Variants in FES observed in about 807,000 individuals in gnomAD.
FES encodes tyrosine-protein kinase Fes/Fps.
Under a neutral mutation model 109.6 loss-of-function variants are expected in FES, and 83 were observed. The observed-to-expected ratio is 0.76, with a 90% CI of 0.63 to 0.91. The LOEUF is 0.91. FES is among the 40% of genes least tolerant of loss of function. FES has a pLI of 0.00. For missense variants in FES, 943 were observed against 1,070.9 expected (o/e 0.88, Z 1.67); for synonymous variants, 458 against 442.1 (o/e 1.04, Z -0.45).
chr15:90,894,747 C>G (rs990351229), intron 18 of FES, among the ~76,000 whole-genome samples: 1 of 150,944 alleles, frequency 6.6e-6, no homozygotes, highest in African/African-American at 2.4e-5. Context: ...ACCTGGGTGA[C>G]AGAGAGAGAG....
At chr15:90,887,101 T>C in intron 4 of FES, 44 bp downstream of exon 4, 1 of 1,613,616 alleles carries the variant, frequency 6.2e-7, no homozygotes, top group East Asian at 2.2e-5. Flanking sequence ...CCGAAGCCAG[T>C]GCTGACCTGT....
intron 1 of FES, chr15:90,884,796 G>A (rs1395406941): frequency 1.3e-5 from 6 of 476,534 alleles, no homozygotes; most frequent in Non-Finnish European, 1.1e-5. Context: ...GGGGAGGGAG[G>A]CTCCAGGTTG....
intron 18 of FES, among the ~76,000 whole-genome samples, chr15:90,894,967 T>C (rs1262388947): frequency 6.6e-6 from 1 of 152,094 alleles, no homozygotes; most frequent in Non-Finnish European, 1.5e-5. Flanking sequence ...CTTGGGAGGC[T>C]GAGGCACAAG....
chr15:90,891,125 G>A lies in FES; in HGVS notation c.1464G>A (p.Lys488=), dbSNP rs1436693746. ...GDFLVRESQG[K]QEYVLSVLWD... ...TCCTGGTGCGGGAGAGCCAGGGCAAGCAGGAGTACGTGCTGTCGGTGCTGT... is the reference window on the plus strand; with the variant it reads ...TCCTGGTGCGGGAGAGCCAGGGCAAACAGGAGTACGTGCTGTCGGTGCTGT... Residue 488 remains lysine, a synonymous_variant, in exon 11 of 19, where the codon AAG becomes AAA. Coordinates refer to ENST00000328850, the MANE Select transcript of FES (RefSeq NM_002005.4). 6 of 1,580,986 alleles carry A rather than the reference G, an allele frequency of 3.8e-6. No homozygotes were observed. Among genetic ancestry groups the A allele is most frequent in the Non-Finnish European group, 3.4e-6 (4 of 1,163,274 alleles).
Position 90,893,381 on chromosome 15 carries a change from T to G in FES, c.2012T>G (p.Met671Arg). Residue 671 changes from methionine to arginine, a missense_variant, in exon 16 of 19, where the codon ATG becomes AGG. Transcript: ENST00000328850. ...ATGGTGGGGGATGCAGCTGCTGGCA[T>G]GGAGTACCTGGAGAGCAAGTGCTGC... is the stretch of plus-strand genomic sequence containing the variant. The part of the protein sequence containing the change: ...LQMVGDAAAG[M>R]EYLESKCCIH... The G allele has an allele frequency of 6.4e-7, 1 of 1,558,056 alleles. No homozygotes were observed. Among genetic ancestry groups the G allele is most frequent in the South Asian group, 1.2e-5 (1 of 83,196 alleles).
intron 18 of FES, 88 bp downstream of exon 18, chr15:90,894,146 T>G: frequency 6.9e-7 from 1 of 1,459,090 alleles, no homozygotes; most frequent in Middle Eastern, 1.8e-4. Context: ...AATGCCAACC[T>G]TCCCACCAGG....
rs1358680545 is a variant in FES, at chr15:90,890,410, C to T, written c.1246C>T (p.Arg416Ter). The change falls in exon 10 of 19, where the codon CGA (arginine) becomes TGA (stop). Residue 416 changes from arginine (R) to a stop codon, truncating the protein, a stop_gained. Transcript: ENST00000328850. LOFTEE classifies it high-confidence loss of function. ...RHSTSSSEQE[R>*]EGGRTPTLEI... The stretch of plus-strand genomic sequence containing the variant: ...CTGTCCCTGGCCTCAGGAGCAGGAG[C>T]GAGAGGGGGGAAGGACACCCACGCT... The T allele has an allele frequency of 2.5e-6, 4 of 1,612,824 alleles. No homozygotes were observed. Among genetic ancestry groups the T allele is most frequent in the African/African-American group, 2.7e-5 (2 of 74,886 alleles).
chr15:90,887,227 C>A lies in FES; in HGVS notation c.525C>A (p.Ser175Arg). Reference protein sequence around the residue: ...RDKAKDKYVRSLWKLFAHHNR... With the variant: ...RDKAKDKYVRRLWKLFAHHNR... The stretch of plus-strand genomic sequence containing the variant: ...AGGCTAAGGACAAGTATGTGCGCAG[C>A]CTGTGGAAGCTCTTTGCTCACCACA... Residue 175 changes from serine (S) to arginine (R), a missense_variant, in exon 5 of 19, where the codon AGC (serine) becomes AGA (arginine). Coordinates refer to ENST00000328850, the MANE Select transcript of FES (RefSeq NM_002005.4). 1 of 1,613,634 alleles carries A rather than the reference C, an allele frequency of 6.2e-7. No homozygotes were observed. Among genetic ancestry groups the A allele is most frequent in the Admixed American group, 1.7e-5 (1 of 60,034 alleles).
At position 90,889,713 on chromosome 15, in the gene FES, C is replaced by T. The variant is rs1028391994; in HGVS notation, c.926+77C>T. The T allele has an allele frequency of 1.6e-4, 260 of 1,604,502 alleles. No individual in the cohort carries two copies. Among genetic ancestry groups the T allele is most frequent in the Non-Finnish European group, 2.2e-4 (256 of 1,176,930 alleles). Reference sequence around the variant, plus strand: ...AGTGTTTATGTAGGCAGGGCTAGGTCGTGGAGACTGTCCACACAGAGCTGT... The same window carrying T: ...AGTGTTTATGTAGGCAGGGCTAGGTTGTGGAGACTGTCCACACAGAGCTGT... On this transcript the variant is annotated intron_variant, in intron 7 of 18. Transcript: ENST00000328850. This position sits in a 1 kb window ranked among gnomAD's most constrained non-coding sequence, Gnocchi z 6.1.
intron 13 of FES, chr15:90,892,467 A>G: frequency 1.7e-6 from 1 of 580,350 alleles, no homozygotes; most frequent in South Asian, 2.1e-5. Flanking sequence ...CCCAAGGGAG[A>G]GTGATTTTTG....
At chr15:90,891,259 A>G in intron 11 of FES, 68 bp downstream of exon 11, 1 of 1,507,830 alleles carries the variant, frequency 6.6e-7, no homozygotes. Flanking sequence ...CCCAAGGGAA[A>G]TGGCCTTTCA....
intron 1 of FES, 64 bp from the exon 2 acceptor site, chr15:90,884,973 C>T (rs1433231899): frequency 5.8e-6 from 8 of 1,371,572 alleles, no homozygotes; most frequent in East Asian, 2.3e-5. Context: ...CCAGTCTCCT[C>T]GTCCCATGCC....
At chr15:90,888,294 T>C (rs4533264) in intron 5 of FES, among the ~76,000 whole-genome samples, 63,809 of 151,988 alleles carry the variant, frequency 0.42, 14,186 homozygotes, top group East Asian at 0.79. Context: ...TTAGTAGAGA[T>C]GGGGTTTCAC....
chr15:90,885,196 A>C lies in FES; in HGVS notation c.151A>C (p.Met51Leu). ...GGAGTATGCAGGACTGCTTCACCAC[A>C]TGTCCCTGCAGGACAGTGGGGGCCA... ...DREYAGLLHH[M>L]SLQDSGGQSR... The change falls in exon 2 of 19, where the codon ATG (methionine) becomes CTG (leucine). Residue 51 changes from methionine to leucine, a missense_variant. By Grantham distance (15) the Met-to-Leu change is conservative. Coordinates refer to ENST00000328850, the MANE Select transcript of FES (RefSeq NM_002005.4). 1 of 1,613,690 alleles carries C rather than the reference A, an allele frequency of 6.2e-7. No individual in the cohort carries two copies. The highest frequency in any genetic ancestry group is 1.1e-5 in the South Asian group (1 of 91,090).
chr15:90,892,607 G>A (rs968397204), intron 13 of FES, 100 bp from the exon 14 acceptor site: 25 of 1,183,822 alleles, frequency 2.1e-5, no homozygotes, highest in Middle Eastern at 2.8e-4. Flanking sequence ...GTCCGAACAC[G>A]GGGGCCCCTC....
chr15:90,885,091 C>G lies in FES; in HGVS notation c.46C>G (p.Leu16Val), dbSNP rs779386475. 1.2e-6 allele frequency: 2 copies of G among 1,613,570 alleles called. No individual in the cohort carries two copies. Among genetic ancestry groups the G allele is most frequent in the South Asian group, 2.2e-5 (2 of 91,080 alleles). The change falls in exon 2 of 19, where the codon CTG becomes GTG. Residue 16 changes from leucine to valine, a missense_variant. By Grantham distance (32) the Leu-to-Val change is conservative. Coordinates refer to ENST00000328850, the MANE Select transcript of FES (RefSeq NM_002005.4). ...GTGCAGCCCCCAGGGCCACGGGGTC[C>G]TGCAGCAAATGCAGGAGGCCGAGCT... Reference protein sequence around the residue: ...ELCSPQGHGVLQQMQEAELRL... With the variant: ...ELCSPQGHGVVQQMQEAELRL...
In FES at chr15:90,885,232, A is replaced by G; in HGVS notation, c.187A>G (p.Ile63Val). ...LQDSGGQSRA[I>V]SPDSPISQSW... ...GGACAGTGGGGGCCAGAGCCGGGCC[A>G]TCAGCCCTGACAGCCCCATCAGTCA... Residue 63 changes from isoleucine to valine, a missense_variant, in exon 2 of 19, where the codon ATC (isoleucine) becomes GTC (valine). Ile to Val is a conservative substitution (Grantham distance 29, BLOSUM62 3). Transcript: ENST00000328850. 2 of 1,613,204 alleles carry G rather than the reference A, an allele frequency of 1.2e-6. No homozygotes were observed.
At position 90,895,342 on chromosome 15, in the gene FES, T is replaced by C. The variant is rs929265064; in HGVS notation, c.2327-74T>C. 3.0e-6 allele frequency: 4 copies of C among 1,313,606 alleles called. No individual in the cohort carries two copies. In the African/African-American group the frequency reaches 6.0e-5, roughly 20 times the overall value. The allele number at this position is 1,313,606 out of a possible 1,614,324, so 81.4% of individuals were successfully genotyped here. On this transcript the variant is annotated intron_variant, in intron 18 of 18. Coordinates refer to ENST00000328850, the MANE Select transcript of FES (RefSeq NM_002005.4). ...CATCTTAAGCAGCTCCTATGGCTCA[T>C]GGTATCCCCCAGAGTCTGCCGAGGA... is the stretch of plus-strand genomic sequence containing the variant.
rs762239944 is a variant in FES, at chr15:90,885,452, G to A, written c.254G>A (p.Arg85His). The A allele has an allele frequency of 2.3e-5, 37 of 1,613,164 alleles. No individual in the cohort carries two copies. The South Asian group carries it at 2.6e-4, about 11-fold the overall frequency. Residue 85 changes from arginine (R) to histidine (H), a missense_variant, in exon 3 of 19, where the codon CGC becomes CAC. Arg to His is a conservative substitution (Grantham distance 29, BLOSUM62 0). Transcript: ENST00000328850. ...EITSQTEGLS[R>H]LLRQHAEDLN... ...ACCAGCCAAACTGAGGGCCTGAGCC[G>A]CTTGCTGCGGCAGCACGCAGAGGAT...
Sources: allele counts gnomAD v4.1 joint callset (sites outside exome capture counted in the v4.1 genomes callset), GRCh38; gene constraint gnomAD v4.1.1; non-coding constraint Gnocchi (gnomAD v3.1); transcripts MANE v1.5; gene names NCBI Gene and HGNC (gene_info 2026-07-23, HGNC 2026-07-21).